Variants in MRPS28 observed in about 807,000 individuals in gnomAD.
MRPS28 encodes the protein small ribosomal subunit protein bS1m.
A neutral mutation model predicts 10.8 loss-of-function variants in MRPS28; 7 were observed. That is an observed-to-expected ratio of 0.65 (90% confidence interval 0.37 to 1.22). The LOEUF (loss-of-function observed/expected upper bound fraction) is 1.22. MRPS28 is among the 50% of genes most tolerant of loss of function. The pLI is 0.02. For missense variants in MRPS28, 265 were observed against 232.9 expected (o/e 1.14, Z -0.90); for synonymous variants, 121 against 93.3 (o/e 1.30, Z -1.71).
Position 80,005,831 on chromosome 8 carries a change from A to G in MRPS28, c.214-2651T>C, listed in dbSNP as rs1380975178. 3.9e-5 allele frequency among the ~76,000 whole-genome samples: 6 copies of G among 152,324 alleles called. No homozygotes were observed. The East Asian group carries it at 1.2e-3, about 29-fold the overall frequency. On this transcript the variant is annotated intron_variant, in intron 1 of 2. Transcript: ENST00000276585. Reference sequence around the variant, plus strand: ...GAAAACAAAAAAAGGCAGCGGTTGCAATCCTAGTCTCTGATAAAACAGACT... The same window carrying G: ...GAAAACAAAAAAAGGCAGCGGTTGCGATCCTAGTCTCTGATAAAACAGACT...
At chr8:79,974,333 G>A (rs1807727293) in intron 2 of MRPS28, among the ~76,000 whole-genome samples, 1 of 152,080 alleles carries the variant, frequency 6.6e-6, no homozygotes, top group Non-Finnish European at 1.5e-5. Context: ...GAGGTCAGGA[G>A]ATCAAGACCA....
chr8:80,009,556 C>A (rs963973057), intron 1 of MRPS28, among the ~76,000 whole-genome samples: 1 of 151,804 alleles, frequency 6.6e-6, no homozygotes, highest in Non-Finnish European at 1.5e-5. Context: ...GCAGAGGTTA[C>A]GGTGAGCCGA....
At chr8:79,941,619 T>C (rs1348563356) in intron 2 of MRPS28, among the ~76,000 whole-genome samples, 2 of 152,170 alleles carry the variant, frequency 1.3e-5, no homozygotes, top group African/African-American at 4.8e-5. Context: ...TATAATGAAA[T>C]AGAGTTCTTT....
intron 2 of MRPS28, among the ~76,000 whole-genome samples, chr8:79,944,902 C>T (rs1291217583): frequency 6.6e-6 from 1 of 151,932 alleles, no homozygotes; most frequent in Non-Finnish European, 1.5e-5. Context: ...GCCATGTTGT[C>T]CAGGCTAGTC....
intron 2 of MRPS28, among the ~76,000 whole-genome samples, chr8:79,936,365 A>T (rs1338312621): frequency 6.6e-6 from 1 of 150,660 alleles, no homozygotes; most frequent in East Asian, 1.9e-4. Flanking sequence ...AAAAATTAAT[A>T]AACTAAAAAC....
chr8:80,015,437 T>G (rs1295467522), intron 1 of MRPS28, among the ~76,000 whole-genome samples: 1 of 152,150 alleles, frequency 6.6e-6, no homozygotes, highest in Non-Finnish European at 1.5e-5. Context: ...CTGGCACTAG[T>G]CATTCTGTCC....
chr8:79,958,675 G>A (rs2053962), intron 2 of MRPS28, among the ~76,000 whole-genome samples: 102,669 of 152,006 alleles, frequency 0.68, 34,971 homozygotes, highest in East Asian at 0.84. Flanking sequence ...CCACTGCCCT[G>A]ATATTCTGTT....
chr8:80,013,500 G>A (rs1809110024), intron 1 of MRPS28, among the ~76,000 whole-genome samples: 1 of 151,582 alleles, frequency 6.6e-6, no homozygotes, highest in Non-Finnish European at 1.5e-5. Context: ...CGGGTGAGGT[G>A]GTGCATGCCT....
At chr8:80,022,614 A>G (rs377595643) in intron 1 of MRPS28, among the ~76,000 whole-genome samples, 4 of 152,362 alleles carry the variant, frequency 2.6e-5, no homozygotes, top group East Asian at 1.9e-4. Context: ...AAAGGTAGGC[A>G]AAACCCAAAC....
intron 2 of MRPS28, chr8:79,956,604 G>T (rs988836197): frequency 2.0e-5 from 3 of 152,046 alleles, no homozygotes; most frequent in African/African-American, 7.2e-5. Flanking sequence ...GGACCCAATG[G>T]TTATTTTTCT....
At chr8:79,958,101 C>A (rs951238790) in intron 2 of MRPS28, 2 of 311,846 alleles carry the variant, frequency 6.4e-6, no homozygotes, top group South Asian at 2.1e-4. Flanking sequence ...TTTACCATAA[C>A]CTAATTTTAG....
At chr8:79,981,389 A>G (rs529450654) in intron 2 of MRPS28, among the ~76,000 whole-genome samples, 12 of 152,330 alleles carry the variant, frequency 7.9e-5, no homozygotes, top group African/African-American at 2.6e-4. Context: ...TTCAAAATTA[A>G]AGTTTCTAAA....
At chr8:80,017,408 T>A (rs766263174) in intron 1 of MRPS28, among the ~76,000 whole-genome samples, 18 of 152,140 alleles carry the variant, frequency 1.2e-4, no homozygotes, top group African/African-American at 4.3e-4. Context: ...AAATTACTAA[T>A]AATAGAAATG....
At chr8:79,971,959 C>T (rs35908486) in intron 2 of MRPS28, among the ~76,000 whole-genome samples, 2,126 of 152,232 alleles carry the variant, frequency 0.014, 26 homozygotes, top group Non-Finnish European at 0.021. Context: ...CTCAGCCTCC[C>T]AAAGTGCTGG....
At chr8:79,941,444 G>A (rs1806766138) in intron 2 of MRPS28, among the ~76,000 whole-genome samples, 4 of 106,630 alleles carry the variant, frequency 3.8e-5, no homozygotes, top group African/African-American at 5.4e-5. Flanking sequence ...CAATCTTAAA[G>A]CCAGACAGAG....
At chr8:79,936,027 A>T (rs1806595624) in intron 2 of MRPS28, among the ~76,000 whole-genome samples, 1 of 151,652 alleles carries the variant, frequency 6.6e-6, no homozygotes, top group Admixed American at 6.6e-5. Context: ...TTTTGCTATT[A>T]ATATTAAATA....
chr8:79,963,625 T>G (rs1807427275), intron 2 of MRPS28, among the ~76,000 whole-genome samples: 1 of 152,104 alleles, frequency 6.6e-6, no homozygotes. Flanking sequence ...AGGCCTTGCC[T>G]CAAACAGCAC....
At chr8:80,028,649 C>CGGGGGGGGGGGGGGGGGGGG (rs1391638801) in intron 1 of MRPS28, 3 of 4,538 alleles carry the variant, frequency 6.6e-4, no homozygotes, top group Admixed American at 2.5e-3. Context: ...AGAAGACGGG[C>CGGGGGGGGGGGGGGGGGGGG]GGGGGGGGCG....
chr8:80,000,003 C>T (rs1321535647), intron 2 of MRPS28, among the ~76,000 whole-genome samples: 2 of 152,122 alleles, frequency 1.3e-5, no homozygotes, highest in South Asian at 2.1e-4. Flanking sequence ...TATGTAATTA[C>T]CAATATTTTA....
Sources: gnomAD v4.1 joint callset for allele counts (sites outside exome capture counted in the v4.1 genomes callset) on GRCh38, gnomAD v4.1.1 for gene constraint, MANE v1.5 for transcripts, NCBI Gene and HGNC (gene_info 2026-07-23, HGNC 2026-07-21) for gene names.